Variants in ERBB4 observed in about 807,000 individuals in gnomAD.
The protein encoded by ERBB4 is erb-b2 receptor tyrosine kinase 4.
ERBB4 carries 42 observed loss-of-function variants against 158.0 expected under a neutral mutation model. The observed-to-expected ratio is 0.27, with a 90% CI of 0.21 to 0.34. ERBB4 has a LOEUF of 0.34. Ranked by LOEUF, ERBB4 falls within the 10% of genes least tolerant of loss-of-function variation. The probability of loss-of-function intolerance (pLI) is 1.00; values close to 1 mark genes in which losing one functional copy is unlikely to be tolerated. For missense variants in ERBB4, 1,333 were observed against 1,624.1 expected, an observed-to-expected ratio of 0.82 and a Z score of 3.08; for synonymous variants, 583 against 558.7, an observed-to-expected ratio of 1.04 and a Z score of -0.61.
chr2:211,858,587 A>T (rs76640046), intron 3 of ERBB4, among the ~76,000 whole-genome samples: 1 of 101,828 alleles, frequency 9.8e-6, no homozygotes, highest in Non-Finnish European at 2.2e-5. Context: ...GCTCACAAAA[A>T]GCCATTTTTT....
chr2:212,057,138 T>C (rs1408780410), intron 2 of ERBB4, among the ~76,000 whole-genome samples: 1 of 152,138 alleles, frequency 6.6e-6, no homozygotes, highest in Non-Finnish European at 1.5e-5. Flanking sequence ...TCCTAGTCTC[T>C]GATAAAACAG....
chr2:211,424,020 G>A (rs1450767883), intron 23 of ERBB4, 135 bp downstream of exon 23: 11 of 848,208 alleles, frequency 1.3e-5, no homozygotes, highest in Middle Eastern at 2.7e-4. Flanking sequence ...ACAAAGAGGC[G>A]TTCATATGTT....
rs570038342 is a variant in ERBB4 at position 212,153,453 on chromosome 2, A to G, written c.83-28550T>C. 2.6e-5 allele frequency among the ~76,000 whole-genome samples: 4 copies of G among 152,300 alleles called. No homozygotes were observed. In the East Asian group the frequency reaches 7.7e-4, roughly 29 times the overall value. On this transcript the variant is annotated intron_variant, in intron 1 of 27. Coordinates refer to ENST00000342788, the MANE Select transcript of ERBB4 (RefSeq NM_005235.3). ...TTAAATAAACTCCATATTCTCTGAA[A>G]CACAGAACATACACAATCATATGTA...
chr2:212,444,860 G>T (rs886432807), intron 1 of ERBB4, among the ~76,000 whole-genome samples: 1 of 151,814 alleles, frequency 6.6e-6, no homozygotes, highest in Non-Finnish European at 1.5e-5. Context: ...TGATTATATT[G>T]GACCTCTTCC....
chr2:212,267,675 T>G (rs1469482107), intron 1 of ERBB4, among the ~76,000 whole-genome samples: 2 of 151,216 alleles, frequency 1.3e-5, no homozygotes, highest in Non-Finnish European at 3.0e-5. Flanking sequence ...TGTATACATG[T>G]GCCATGCTGG....
chr2:211,405,160 C>G (rs111725334), intron 25 of ERBB4, among the ~76,000 whole-genome samples: 2,061 of 152,154 alleles, frequency 0.014, 41 homozygotes, highest in African/African-American at 0.045. Context: ...GTTTACAGAA[C>G]TAGTTAAGTA....
At chr2:212,324,918 A>G (rs897327549) in intron 1 of ERBB4, among the ~76,000 whole-genome samples, 4 of 150,526 alleles carry the variant, frequency 2.7e-5, no homozygotes, top group African/African-American at 9.7e-5. Context: ...ATTCATAAAG[A>G]AAAGTACACA....
At chr2:211,625,681 G>C (rs73080708) in intron 17 of ERBB4, among the ~76,000 whole-genome samples, 1 of 152,164 alleles carries the variant, frequency 6.6e-6, no homozygotes, top group African/African-American at 2.4e-5. Flanking sequence ...TCATTTGAAG[G>C]CAACTCAACC....
At chr2:211,482,729 A>T (rs1357649242) in intron 20 of ERBB4, among the ~76,000 whole-genome samples, 1 of 152,106 alleles carries the variant, frequency 6.6e-6, no homozygotes, top group Non-Finnish European at 1.5e-5. Context: ...AACATGGAGA[A>T]ACCCTGTCTC....
intron 20 of ERBB4, among the ~76,000 whole-genome samples, chr2:211,542,690 GT>G (rs1397314929): frequency 2.0e-5 from 3 of 151,770 alleles, no homozygotes; most frequent in Non-Finnish European, 1.5e-5. Context: ...TTTCCACCTA[GT>G]TTTTTGCATT....
intron 20 of ERBB4, among the ~76,000 whole-genome samples, chr2:211,542,081 T>C (rs1235698028): frequency 6.6e-6 from 1 of 152,032 alleles, no homozygotes; most frequent in Admixed American, 6.6e-5. Flanking sequence ...ATCACTTTCA[T>C]TTCACCTAAG....
chr2:212,216,453 C>T (rs184248465), intron 1 of ERBB4, among the ~76,000 whole-genome samples: 3 of 151,246 alleles, frequency 2.0e-5, no homozygotes. Flanking sequence ...GCAGGATTGT[C>T]ACTCCCATGT....
At chr2:212,346,927 T>C (rs1237203119) in intron 1 of ERBB4, among the ~76,000 whole-genome samples, 2 of 152,112 alleles carry the variant, frequency 1.3e-5, no homozygotes, top group East Asian at 3.9e-4. Context: ...TTCTAGGCAC[T>C]TTTGCAACAA....
chr2:212,343,872 C>T (rs1191875686), intron 1 of ERBB4, among the ~76,000 whole-genome samples: 1 of 152,088 alleles, frequency 6.6e-6, no homozygotes, highest in Non-Finnish European at 1.5e-5. Flanking sequence ...ACCAAAGCCT[C>T]ATACTGTTTT....
intron 19 of ERBB4, among the ~76,000 whole-genome samples, chr2:211,594,462 A>C (rs1017370369): frequency 2.0e-4 from 31 of 152,070 alleles, no homozygotes; most frequent in African/African-American, 7.5e-4. Context: ...AATAAAAAAA[A>C]AAAACTAAGC....
rs149764974 is a variant in ERBB4 at position 211,633,323 on chromosome 2, C to G, written c.1947-2729G>C. ...AAACTGAAAAGATTCGGTTTCCAAA[C>G]AGTAGAACTTCAATATGAAAAAATA... On this transcript the variant is annotated intron_variant, in intron 16 of 27. Transcript: ENST00000342788. Among the ~76,000 whole-genome samples, 1,092 of 152,010 alleles carry G rather than the reference C, an allele frequency of 7.2e-3. 7 individuals are homozygous for G. Among genetic ancestry groups the G allele is most frequent in the Non-Finnish European group, 0.012 (789 of 67,916 alleles).
intron 2 of ERBB4, among the ~76,000 whole-genome samples, chr2:211,986,323 A>G (rs377001557): frequency 8.9e-4 from 136 of 152,306 alleles, no homozygotes; most frequent in African/African-American, 2.5e-3. Context: ...TAGGAAATGA[A>G]TATACTATCC....
intron 2 of ERBB4, among the ~76,000 whole-genome samples, chr2:212,018,985 C>A (rs961247252): frequency 2.6e-5 from 4 of 152,032 alleles, no homozygotes; most frequent in African/African-American, 9.7e-5. Context: ...GTTATGGGAG[C>A]TCATAACTAC....
At chr2:211,961,862 CAT>C (rs1355017455) in intron 2 of ERBB4, among the ~76,000 whole-genome samples, 6 of 152,226 alleles carry the variant, frequency 3.9e-5, no homozygotes, top group South Asian at 4.2e-4. Context: ...ACTTATGTCA[CAT>C]GTCTTAAAGG....
Sources: allele counts gnomAD v4.1 joint callset (sites outside exome capture counted in the v4.1 genomes callset), GRCh38; gene constraint gnomAD v4.1.1; transcripts MANE v1.5; gene names NCBI Gene and HGNC (gene_info 2026-07-23, HGNC 2026-07-21).